PRKD1: variants seen among roughly 807,000 people sequenced by gnomAD.
PRKD1 encodes the protein protein kinase D1, also known as serine/threonine-protein kinase D1.
Under a neutral mutation model 95.9 loss-of-function variants are expected in PRKD1, and 63 were observed. The ratio of observed to expected loss-of-function variants is 0.66; its 90% CI spans 0.54 to 0.81. PRKD1 has a LOEUF of 0.81. PRKD1 is among the 30% of genes least tolerant of loss of function. The probability of loss-of-function intolerance (pLI) is 0.00; values close to 1 mark genes in which losing one functional copy is unlikely to be tolerated. For synonymous variants in PRKD1, 425 were observed against 423.1 expected (o/e 1.00, Z -0.05); for missense variants, 1,048 against 1,165.3 (o/e 0.90, Z 1.47).
At chr14:29,609,355 A>C (rs1878256226) in intron 13 of PRKD1, among the ~76,000 whole-genome samples, 1 of 152,124 alleles carries the variant, frequency 6.6e-6, no homozygotes, top group Admixed American at 6.5e-5. Flanking sequence ...ACAATGCATG[A>C]TTACAATTTT....
In PRKD1 at chr14:29,653,601, A is replaced by T. The variant is rs150196039; in HGVS notation, c.696+10098T>A. Among the ~76,000 whole-genome samples the T allele has an allele frequency of 3.0e-3, 456 of 152,038 alleles. 2 individuals carry two copies. Among genetic ancestry groups the T allele is most frequent in the African/African-American group, 0.01 (427 of 41,468 alleles). On this transcript the variant is annotated intron_variant, in intron 4 of 17. Transcript: ENST00000331968. ...CCTCAAGAAAAGGTCATTCTCCTCA[A>T]CTGCTTGACAAAAATATTATCTTTA...
intron 1 of PRKD1, among the ~76,000 whole-genome samples, chr14:29,757,200 T>C (rs1887743424): frequency 6.6e-6 from 1 of 152,172 alleles, no homozygotes; most frequent in Non-Finnish European, 1.5e-5. Flanking sequence ...TGTTAGCTAT[T>C]ATCACCATTC....
intron 1 of PRKD1, among the ~76,000 whole-genome samples, chr14:29,743,056 T>C (rs1212583638): frequency 6.6e-6 from 1 of 152,202 alleles, no homozygotes; most frequent in Admixed American, 6.5e-5. Context: ...CCAATTTGCT[T>C]ATAATCACAA....
At chr14:29,909,898 T>G (rs1253876289) in intron 1 of PRKD1, among the ~76,000 whole-genome samples, 1 of 152,106 alleles carries the variant, frequency 6.6e-6, no homozygotes, top group Non-Finnish European at 1.5e-5. Context: ...CTGGGAGAAC[T>G]TTTGTGTCCA....
chr14:29,579,733 C>T (rs1231127549), intron 16 of PRKD1, among the ~76,000 whole-genome samples: 1 of 152,134 alleles, frequency 6.6e-6, no homozygotes, highest in Non-Finnish European at 1.5e-5. Flanking sequence ...CCCTGAAGGG[C>T]TGTAGAGTCA....
intron 4 of PRKD1, among the ~76,000 whole-genome samples, chr14:29,642,974 T>C (rs768783410): frequency 6.6e-6 from 1 of 152,144 alleles, no homozygotes; most frequent in Non-Finnish European, 1.5e-5. Flanking sequence ...TCTGTTTTGT[T>C]CTGCTTCATT....
intron 1 of PRKD1, among the ~76,000 whole-genome samples, chr14:29,817,997 T>A (rs1890761017): frequency 6.6e-6 from 1 of 152,140 alleles, no homozygotes; most frequent in African/African-American, 2.4e-5. Flanking sequence ...TCATAAACAA[T>A]GAAGAGAGAA....
chr14:29,714,878 T>C (rs536737620), intron 2 of PRKD1, among the ~76,000 whole-genome samples: 4 of 152,218 alleles, frequency 2.6e-5, no homozygotes, highest in Middle Eastern at 6.8e-3. Flanking sequence ...AAACACCGCA[T>C]GTTCTCACTC....
At chr14:29,601,375 C>T (rs924269037) in intron 13 of PRKD1, among the ~76,000 whole-genome samples, 1 of 152,168 alleles carries the variant, frequency 6.6e-6, no homozygotes, top group Non-Finnish European at 1.5e-5. Flanking sequence ...TGCCTTGGGT[C>T]AAATCATACA....
At chr14:29,740,903 AC>A (rs879689572) in intron 1 of PRKD1, among the ~76,000 whole-genome samples, 3 of 152,184 alleles carry the variant, frequency 2.0e-5, no homozygotes, top group Non-Finnish European at 4.4e-5. Flanking sequence ...GTACATATAC[AC>A]CACAGAATAT....
chr14:29,589,426 T>A (rs1356841467), intron 16 of PRKD1, among the ~76,000 whole-genome samples: 3 of 152,202 alleles, frequency 2.0e-5, no homozygotes, highest in African/African-American at 7.2e-5. Flanking sequence ...AATCATTTAC[T>A]ATATGTGTTA....
chr14:29,829,167 C>G, intron 1 of PRKD1, among the ~76,000 whole-genome samples: 1 of 152,146 alleles, frequency 6.6e-6, no homozygotes, highest in East Asian at 1.9e-4. Flanking sequence ...CCAGCCCCAT[C>G]CCATTCATGT....
chr14:29,616,331 A>G (rs1488548487), intron 13 of PRKD1, among the ~76,000 whole-genome samples: 4 of 151,102 alleles, frequency 2.6e-5, no homozygotes, highest in Admixed American at 6.6e-5. Flanking sequence ...GGAAATTTAT[A>G]AACAAGAAAT....
intron 1 of PRKD1, among the ~76,000 whole-genome samples, chr14:29,884,365 A>G (rs764555078): frequency 5.9e-5 from 9 of 152,242 alleles, no homozygotes; most frequent in Non-Finnish European, 1.2e-4. Context: ...ATACTAATGT[A>G]TTAATATTTC....
chr14:29,775,467 T>G (rs1566593537), intron 1 of PRKD1, among the ~76,000 whole-genome samples: 1 of 152,134 alleles, frequency 6.6e-6, no homozygotes. Context: ...GCTTTTCCAG[T>G]GGTCTTAGCA....
intron 1 of PRKD1, among the ~76,000 whole-genome samples, chr14:29,874,181 C>T (rs1465305037): frequency 3.9e-5 from 6 of 152,044 alleles, no homozygotes; most frequent in African/African-American, 1.4e-4. Context: ...GAAAAAATAA[C>T]AGTCTTTGCC....
intron 1 of PRKD1, among the ~76,000 whole-genome samples, chr14:29,871,355 G>GA (rs1594591738): frequency 6.6e-6 from 1 of 152,120 alleles, no homozygotes; most frequent in East Asian, 1.9e-4. Flanking sequence ...TTTGACTTTA[G>GA]AAAAAAGAGT....
chr14:29,824,120 G>C (rs1053959124), intron 1 of PRKD1, among the ~76,000 whole-genome samples: 16 of 152,102 alleles, frequency 1.1e-4, no homozygotes, highest in Non-Finnish European at 2.2e-4. Context: ...GCTACGATGA[G>C]GGTCCAGCAA....
intron 1 of PRKD1, among the ~76,000 whole-genome samples, chr14:29,789,406 T>C (rs1889432557): frequency 6.6e-6 from 1 of 152,212 alleles, no homozygotes; most frequent in Admixed American, 6.5e-5. Context: ...GAAGACTTTT[T>C]CCTACAGATA....
Sources: gnomAD v4.1 joint callset for allele counts (sites outside exome capture counted in the v4.1 genomes callset) on GRCh38, gnomAD v4.1.1 for gene constraint, MANE v1.5 for transcripts, NCBI Gene and HGNC (gene_info 2026-07-23, HGNC 2026-07-21) for gene names.